Variants in PLXNA4 observed in about 807,000 individuals in gnomAD.
PLXNA4 encodes the protein plexin-A4.
In PLXNA4, 44 loss-of-function variants were observed where a neutral mutation model predicts 191.8. The ratio of observed to expected loss-of-function variants is 0.23; its 90% CI spans 0.18 to 0.29. The LOEUF (loss-of-function observed/expected upper bound fraction) is 0.29. PLXNA4 is among the 10% of genes least tolerant of loss of function. The probability of loss-of-function intolerance (pLI) is 1.00; values close to 1 mark genes in which losing one functional copy is unlikely to be tolerated. For missense variants in PLXNA4, 1,800 were observed against 2,488.8 expected, an observed-to-expected ratio of 0.72 and a Z score of 5.89; for synonymous variants, 1,082 against 1,009.5, an observed-to-expected ratio of 1.07 and a Z score of -1.36.
At chr7:132,376,458 T>C (rs1343590814) in intron 3 of PLXNA4, among the ~76,000 whole-genome samples, 1 of 152,206 alleles carries the variant, frequency 6.6e-6, no homozygotes, top group African/African-American at 2.4e-5. Flanking sequence ...TACCTTCCTT[T>C]AAAGGATTGT....
At chr7:132,419,079 C>T (rs1203358971) in intron 3 of PLXNA4, among the ~76,000 whole-genome samples, 1 of 152,198 alleles carries the variant, frequency 6.6e-6, no homozygotes, top group Non-Finnish European at 1.5e-5. Flanking sequence ...GCTCTGTGTC[C>T]TTGGTCCTGG....
intron 2 of PLXNA4, among the ~76,000 whole-genome samples, chr7:132,623,243 G>A (rs1803305677): frequency 6.6e-6 from 1 of 152,022 alleles, no homozygotes; most frequent in Non-Finnish European, 1.5e-5. Flanking sequence ...GTACTCGGGA[G>A]ACTGAGGCAG....
Position 132,179,927 on chromosome 7 carries a change from G to A in PLXNA4, c.3640-6C>T, listed in dbSNP as rs758984406. On this transcript the variant is annotated splice_region_variant and splice_polypyrimidine_tract_variant and intron_variant, in intron 19 of 31. Transcript: ENST00000321063. The stretch of plus-strand genomic sequence containing the variant: ...TCCATGCCACCGACACGGGCCTGGG[G>A]GCACACAGGGCAAGAGGGAGCTGGG... 1.9e-6 allele frequency: 3 copies of A among 1,601,280 alleles called. No homozygotes were observed. Among genetic ancestry groups the A allele is most frequent in the East Asian group, 4.5e-5 (2 of 44,610 alleles).
chr7:132,508,895 G>C lies in PLXNA4; in HGVS notation c.-86-116C>G, dbSNP rs1259751473. Reference sequence around the variant, plus strand: ...GCACACACTGAGCAGAACTGCACTGGGGGGTGCTGGAGGCTGACTGAGTCA... The same window carrying C: ...GCACACACTGAGCAGAACTGCACTGCGGGGTGCTGGAGGCTGACTGAGTCA... On this transcript the variant is annotated intron_variant, in intron 1 of 31. Transcript: ENST00000321063. This position sits in a 1 kb window ranked among gnomAD's most constrained non-coding sequence, Gnocchi z 4.4. 9 of 1,085,098 alleles carry C rather than the reference G, an allele frequency of 8.3e-6. No individual in the cohort carries two copies. Among genetic ancestry groups the C allele is most frequent in the East Asian group, 2.7e-5 (1 of 36,394 alleles). The allele number at this position is 1,085,098 out of a possible 1,614,324, so 67.2% of individuals were successfully genotyped here. A position where few individuals can be genotyped will look rare whatever the true frequency, so the allele number is the denominator to read the frequency against.
chr7:132,371,487 G>A (rs1804437834), intron 3 of PLXNA4, among the ~76,000 whole-genome samples: 1 of 152,180 alleles, frequency 6.6e-6, no homozygotes, highest in South Asian at 2.1e-4. Context: ...AGATGTAGGA[G>A]CATATTTCTG....
chr7:132,211,395 G>A (rs534195247), intron 9 of PLXNA4, among the ~76,000 whole-genome samples: 1 of 152,314 alleles, frequency 6.6e-6, no homozygotes, highest in South Asian at 2.1e-4. Flanking sequence ...CCTTCCCTAT[G>A]CAATCTGGAT....
intron 1 of PLXNA4, among the ~76,000 whole-genome samples, chr7:132,561,519 T>TCTCCTCCTCCTC (rs1356804974): frequency 2.0e-5 from 1 of 50,886 alleles, no homozygotes; most frequent in Non-Finnish European, 3.6e-5. Flanking sequence ...TCCTCCTCCT[T>TCTCCTCCTCCTC]CTCCTCCTCC....
At chr7:132,466,443 C>T (rs970932764) in intron 3 of PLXNA4, among the ~76,000 whole-genome samples, 7 of 152,300 alleles carry the variant, frequency 4.6e-5, no homozygotes, top group East Asian at 1.9e-4. Flanking sequence ...TCCTTAGCAA[C>T]GATAAGCATA....
intron 3 of PLXNA4, among the ~76,000 whole-genome samples, chr7:132,392,253 G>T (rs895314883): frequency 6.6e-6 from 1 of 152,210 alleles, no homozygotes; most frequent in African/African-American, 2.4e-5. Flanking sequence ...CCAAGGGCAT[G>T]ATGGGCCCTC....
intron 3 of PLXNA4, among the ~76,000 whole-genome samples, chr7:132,428,481 T>C (rs277473): frequency 0.23 from 34,631 of 152,142 alleles, 7,858 homozygotes; most frequent in African/African-American, 0.57. Context: ...GCTCTACCAG[T>C]GTCAGCAGAG....
chr7:132,345,754 A>G (rs1803221272), intron 3 of PLXNA4, among the ~76,000 whole-genome samples: 1 of 152,198 alleles, frequency 6.6e-6, no homozygotes, highest in African/African-American at 2.4e-5. Context: ...GAACAGTCCC[A>G]GCCTCACGAA....
At chr7:132,325,189 G>A (rs563702231) in intron 3 of PLXNA4, among the ~76,000 whole-genome samples, 1 of 152,316 alleles carries the variant, frequency 6.6e-6, no homozygotes, top group East Asian at 1.9e-4. Flanking sequence ...CTGTTCAAGT[G>A]GCTTCTAGGG....
chr7:132,563,785 C>T (rs546075269), intron 1 of PLXNA4, among the ~76,000 whole-genome samples: 11 of 48,782 alleles, frequency 2.3e-4, no homozygotes, highest in Middle Eastern at 0.017. Context: ...CCTCCTCTTC[C>T]TCCTCCTTCT....
intron 3 of PLXNA4, among the ~76,000 whole-genome samples, chr7:132,341,924 A>G (rs1164670765): frequency 6.6e-6 from 1 of 152,134 alleles, no homozygotes; most frequent in Non-Finnish European, 1.5e-5. Flanking sequence ...AACTTTACCA[A>G]ATTCATACAG....
intron 3 of PLXNA4, among the ~76,000 whole-genome samples, chr7:132,412,173 C>A (rs1032870653): frequency 2.0e-5 from 3 of 152,216 alleles, no homozygotes; most frequent in African/African-American, 7.2e-5. Context: ...ACTTGATTAT[C>A]CTCTATTTCA....
chr7:132,400,533 C>T (rs1448831210), intron 3 of PLXNA4, among the ~76,000 whole-genome samples: 2 of 152,152 alleles, frequency 1.3e-5, no homozygotes, highest in African/African-American at 4.8e-5. Flanking sequence ...CATAATGTAC[C>T]CCAGCCTCAG....
intron 3 of PLXNA4, among the ~76,000 whole-genome samples, chr7:132,400,722 C>T (rs955705032): frequency 6.6e-6 from 1 of 152,200 alleles, no homozygotes; most frequent in Non-Finnish European, 1.5e-5. Flanking sequence ...GCCACAGCTA[C>T]TCCCCAAACC....
chr7:132,285,277 C>T (rs180953799), intron 4 of PLXNA4, among the ~76,000 whole-genome samples: 13 of 152,316 alleles, frequency 8.5e-5, no homozygotes, highest in African/African-American at 2.6e-4. Flanking sequence ...AGCCAGAATC[C>T]GGAAGCAGAG....
At chr7:132,522,734 T>C (rs1420783386) in intron 1 of PLXNA4, among the ~76,000 whole-genome samples, 10 of 152,200 alleles carry the variant, frequency 6.6e-5, no homozygotes, top group African/African-American at 2.4e-4. Flanking sequence ...ATTGTGCCAC[T>C]GCACTCCAGC....
Sources: gnomAD v4.1 joint callset for allele counts (sites outside exome capture counted in the v4.1 genomes callset) on GRCh38, gnomAD v4.1.1 for gene constraint, Gnocchi (gnomAD v3.1) non-coding constraint, MANE v1.5 for transcripts, NCBI Gene and HGNC (gene_info 2026-07-23, HGNC 2026-07-21) for gene names.